The following SON variants were observed in gnomAD, a reference collection of about 807,000 sequenced individuals.
SON encodes the protein SON DNA and RNA binding protein.
Under a neutral mutation model 173.3 loss-of-function variants are expected in SON, and 4 were observed. The ratio of observed to expected loss-of-function variants is 0.02; its 90% CI spans 0.01 to 0.05. The LOEUF (loss-of-function observed/expected upper bound fraction) is 0.05, where lower values mean the gene tolerates loss of function less well. Among genes scored for constraint, SON ranks in the 10% least tolerant of loss-of-function variants. The probability of loss-of-function intolerance (pLI) is 1.00; values close to 1 mark genes in which losing one functional copy is unlikely to be tolerated. For missense variants in SON, 2,626 were observed against 3,055.3 expected (o/e 0.86, Z 3.31); for synonymous variants, 1,190 against 1,105.9 (o/e 1.08, Z -1.51).
Position 33,550,760 on chromosome 21 carries a change from C to T in SON, c.1529C>T (p.Thr510Met), listed in dbSNP as rs1421178230. The T allele has an allele frequency of 5.6e-6, 9 of 1,614,056 alleles. No individual in the cohort carries two copies. The highest frequency in any genetic ancestry group is 2.7e-5 in the African/African-American group (2 of 74,908). ...AMELTEQPVT[T>M]TELEQPVGMT... ...GAGTTGACCGAACAACCTGTGACGA[C>T]GACAGAGTTGGAGCAGCCTGTGGGG... The change falls in exon 3 of 12, where the codon ACG becomes ATG. Residue 510 changes from threonine to methionine, a missense_variant. Around this residue, in one of 13 missense-constraint regions of SON, gnomAD observed 757 missense variants for 730.1 expected, o/e 1.04. Transcript: ENST00000356577.
rs759657271 is a variant in SON, at chr21:33,553,506, A to G, written c.4275A>G (p.Ser1425=). 8.7e-6 allele frequency: 14 copies of G among 1,614,106 alleles called. No homozygotes were observed. Among genetic ancestry groups the G allele is most frequent in the Non-Finnish European group, 1.2e-5 (14 of 1,180,040 alleles). The change falls in exon 3 of 12, where the codon TCA becomes TCG. Residue 1425 remains serine, a synonymous_variant. Coordinates refer to ENST00000356577, the MANE Select transcript of SON (RefSeq NM_138927.4). ...PSVPVLEPAV[S]VLQPSMIVSE... ...TGCCTGTTCTGGAACCAGCGGTGTC[A>G]GTCCTTCAACCTTCTATGATTGTTT...
Position 33,559,355 on chromosome 21 carries a change from A to G in SON, c.6447A>G (p.Lys2149=), listed in dbSNP as rs2086027339. The G allele has an allele frequency of 3.1e-6, 5 of 1,609,402 alleles. No homozygotes were observed. The African/African-American group carries it at 4.0e-5, about 13-fold the overall frequency. Residue 2149 remains lysine (K), a synonymous_variant, in exon 5 of 12, where the codon AAA becomes AAG. Transcript: ENST00000356577. This position sits in a 1 kb window ranked among gnomAD's most constrained non-coding sequence, Gnocchi z 4.1. ...ATCCCTTTAAACTCAGTGAACCCAA[A>G]CCTATTTTTTTCAATCTGAATGTGA... ...YHHPFKLSEP[K]PIFFNLNIAA...
Position 33,557,256 on chromosome 21 carries a change from T to C in SON, c.6261T>C (p.Pro2087=). The C allele has an allele frequency of 6.2e-7, 1 of 1,613,702 alleles. No individual in the cohort carries two copies. Among genetic ancestry groups the C allele is most frequent in the Non-Finnish European group, 8.5e-7 (1 of 1,179,930 alleles). ...CAAACCTAAAGCCTGCACCTCCACC[T>C]ACTATAGAAGAGAAAGTTGCTAAAA... ...LPPNLKPAPP[P]TIEEKVAKKS... is the part of the protein sequence containing the mutation. Residue 2087 remains proline, a synonymous_variant, in exon 4 of 12, where the codon CCT becomes CCC. Coordinates refer to ENST00000356577, the MANE Select transcript of SON (RefSeq NM_138927.4).
intron 2 of SON, among the ~76,000 whole-genome samples, chr21:33,548,138 T>G (rs1019719547): frequency 1.3e-5 from 2 of 152,212 alleles, no homozygotes; most frequent in East Asian, 3.8e-4. Flanking sequence ...TTGTTAAAGT[T>G]GAATACTCCC....
At position 33,552,989 on chromosome 21, in the gene SON, C is replaced by T; in HGVS notation, c.3758C>T (p.Pro1253Leu). 6.2e-7 allele frequency: 1 copy of T among 1,614,178 alleles called. No homozygotes were observed. Residue 1253 changes from proline to leucine, a missense_variant, in exon 3 of 12, where the codon CCA becomes CTA. Coordinates refer to ENST00000356577, the MANE Select transcript of SON (RefSeq NM_138927.4). The surrounding 1 kb of genome is among the most constrained non-coding windows in gnomAD (Gnocchi z 5.6). ...GCTGTGACTGTTCCAGAACCACCAC[C>T]AGAGCCAGAATCTTCAATTACGTTA... is the stretch of plus-strand genomic sequence containing the variant. ...EAAVTVPEPP[P>L]EPESSITLTP... is the part of the protein sequence containing the mutation.
In SON at chr21:33,553,934, C is replaced by T. The variant is rs777560492; in HGVS notation, c.4703C>T (p.Pro1568Leu). ...GAAATTGGTGAAGAGAAAATTTTGCCCACCAGTGAGACTAAACAGCGCACA... is the reference window on the plus strand; with the variant it reads ...GAAATTGGTGAAGAGAAAATTTTGCTCACCAGTGAGACTAAACAGCGCACA... ...VGEIGEEKIL[P>L]TSETKQRTVL... Residue 1568 changes from proline (P) to leucine (L), a missense_variant, in exon 3 of 12, where the codon CCC (proline) becomes CTC (leucine). Transcript: ENST00000356577. 6.2e-7 allele frequency: 1 copy of T among 1,614,002 alleles called. No individual in the cohort carries two copies. The highest frequency in any genetic ancestry group is 8.5e-7 in the Non-Finnish European group (1 of 1,180,002).
At chr21:33,573,038 ATTT>A (rs111991289) in intron 8 of SON, 3 of 271,152 alleles carry the variant, frequency 1.1e-5, no homozygotes, top group South Asian at 8.3e-5. Context: ...GAGTGTTCTA[ATTT>A]TTTTTTTTTG....
chr21:33,554,914 C>T lies in SON; in HGVS notation c.5683C>T (p.Pro1895Ser). Residue 1895 changes from proline (P) to serine (S), a missense_variant, in exon 3 of 12, where the codon CCA (proline) becomes TCA (serine). Physicochemically the swap from Pro to Ser is moderately conservative, Grantham distance 74 (BLOSUM62 -1). Coordinates refer to ENST00000356577, the MANE Select transcript of SON (RefSeq NM_138927.4). Reference protein sequence around the residue: ...SVSKEKRKRSPKHRSKSRERK... With the variant: ...SVSKEKRKRSSKHRSKSRERK... Reference sequence around the variant, plus strand: ...ATCAAAAGAGAAGCGCAAAAGATCTCCAAAGCACAGATCCAAGTCTAGGGA... The same window carrying T: ...ATCAAAAGAGAAGCGCAAAAGATCTTCAAAGCACAGATCCAAGTCTAGGGA... The T allele has an allele frequency of 2.5e-6, 4 of 1,614,036 alleles. No individual in the cohort carries two copies. The highest frequency in any genetic ancestry group is 3.4e-6 in the Non-Finnish European group (4 of 1,179,992).
Position 33,554,239 on chromosome 21 carries a change from T to A in SON, c.5008T>A (p.Ser1670Thr). 1 of 1,614,098 alleles carries A rather than the reference T, an allele frequency of 6.2e-7. No individual in the cohort carries two copies. The highest frequency in any genetic ancestry group is 8.5e-7 in the Non-Finnish European group (1 of 1,179,960). ...TAAAGATATTCATCTTGATTTACCA[T>A]CTAATAATAACCTTGTTAGTAAGGA... ...PAKDIHLDLP[S>T]NNNLVSKDTE... Residue 1670 changes from serine (S) to threonine (T), a missense_variant, in exon 3 of 12, where the codon TCT (serine) becomes ACT (threonine). Coordinates refer to ENST00000356577, the MANE Select transcript of SON (RefSeq NM_138927.4).
Position 33,550,936 on chromosome 21 carries a change from G to T in SON, c.1705G>T (p.Val569Leu), listed in dbSNP as rs778563835. The change falls in exon 3 of 12, where the codon GTG becomes TTG. Residue 569 changes from valine to leucine, a missense_variant. Transcript: ENST00000356577. The stretch of plus-strand genomic sequence containing the variant: ...GCCGGGGCAGCCTTCGGTGACTGGG[G>T]TGCCAGAGTTGCCAGGGCTGCCTTC... ...ELPGQPSVTGVPELPGLPSAT... is the reference protein window; with the variant it reads ...ELPGQPSVTGLPELPGLPSAT... 3.5e-5 allele frequency: 56 copies of T among 1,607,342 alleles called. 1 individual carries two copies. The Admixed American group carries it at 7.0e-4, about 20-fold the overall frequency.
In SON at chr21:33,550,626, A is replaced by G. The variant is rs2085750572; in HGVS notation, c.1395A>G (p.Pro465=). Residue 465 remains proline, a synonymous_variant, in exon 3 of 12, where the codon CCA becomes CCG. Coordinates refer to ENST00000356577, the MANE Select transcript of SON (RefSeq NM_138927.4). The stretch of plus-strand genomic sequence containing the variant: ...CAGCACCATCCATGGGGTTGGAGCC[A>G]CCACAGGAGGTACCAGAGCCACCTG... ...GLPAPSMGLE[P]PQEVPEPPVM... 6.2e-7 allele frequency: 1 copy of G among 1,613,730 alleles called. No individual in the cohort carries two copies. Among genetic ancestry groups the G allele is most frequent in the African/African-American group, 1.3e-5 (1 of 74,824 alleles).
chr21:33,560,501 C>A, intron 6 of SON: 1 of 1,003,702 alleles, frequency 1.0e-6, no homozygotes, highest in Admixed American at 5.4e-5. Context: ...TCAAAACAAC[C>A]CCATTAAAAT....
chr21:33,547,705 CTTTTTTTTTTTTTTTTTT>C (rs928851742), intron 2 of SON, among the ~76,000 whole-genome samples: 1 of 70,998 alleles, frequency 1.4e-5, no homozygotes, highest in African/African-American at 5.5e-5. Flanking sequence ...CTTCTGTAGT[CTTTTTTTTTTTTTTTTTT>C]TTTTTTTTTG....
chr21:33,545,530 AT>A (rs2085594147), intron 1 of SON, among the ~76,000 whole-genome samples: 1 of 152,248 alleles, frequency 6.6e-6, no homozygotes, highest in Admixed American at 6.5e-5. Flanking sequence ...GTTCTTACCT[AT>A]TTAAAAATTT....
chr21:33,549,201 A>G (rs1323194951), intron 2 of SON, among the ~76,000 whole-genome samples: 2 of 150,084 alleles, frequency 1.3e-5, no homozygotes, highest in African/African-American at 2.5e-5. Context: ...CAGCCTCCCA[A>G]ATAGCTGGGA....
Position 33,552,089 on chromosome 21 carries a change from A to G in SON, c.2858A>G (p.His953Arg). 6.2e-7 allele frequency: 1 copy of G among 1,614,066 alleles called. No homozygotes were observed. Among genetic ancestry groups the G allele is most frequent in the Non-Finnish European group, 8.5e-7 (1 of 1,179,992 alleles). ...RLGQDPYRLG[H>R]DPYRLTPDPY... ...GGACAAGACCCTTATAGATTAGGCC[A>G]TGATCCCTACAGACTAACTCCTGAT... is the stretch of plus-strand genomic sequence containing the variant. The change falls in exon 3 of 12, where the codon CAT becomes CGT. Residue 953 changes from histidine (H) to arginine (R), a missense_variant. Around this residue, in one of 13 missense-constraint regions of SON, gnomAD observed 366 missense variants for 448.6 expected, o/e 0.82. Transcript: ENST00000356577. The surrounding 1 kb of genome is among the most constrained non-coding windows in gnomAD (Gnocchi z 5.6).
Position 33,555,306 on chromosome 21 carries a change from A to G in SON, c.6075A>G (p.Arg2025=). ...VRLRRSRTPL[R]RRFSRSPIRR... ...TAAGGCGATCAAGAACACCCTTAAGAAGAAGGTTTAGCAGATCTCCCATCC... is the reference window on the plus strand; with the variant it reads ...TAAGGCGATCAAGAACACCCTTAAGGAGAAGGTTTAGCAGATCTCCCATCC... Residue 2025 remains arginine, a synonymous_variant, in exon 3 of 12, where the codon AGA becomes AGG. Coordinates refer to ENST00000356577, the MANE Select transcript of SON (RefSeq NM_138927.4). 1 of 1,609,832 alleles carries G rather than the reference A, an allele frequency of 6.2e-7. No individual in the cohort carries two copies. Among genetic ancestry groups the G allele is most frequent in the Admixed American group, 1.7e-5 (1 of 59,456 alleles).
chr21:33,543,400 C>G (rs868042007), intron 1 of SON: 3 of 577,600 alleles, frequency 5.2e-6, no homozygotes, highest in Non-Finnish European at 6.1e-6. Context: ...CTCCCTGTTT[C>G]AGAACCGAGT....
At chr21:33,543,574 A>C (rs921315190) in intron 1 of SON, 1 of 257,696 alleles carries the variant, frequency 3.9e-6, no homozygotes, top group Non-Finnish European at 7.7e-6. Flanking sequence ...GCCGGTGCCT[A>C]TGACCGGAAA....
Sources: allele counts gnomAD v4.1 joint callset (sites outside exome capture counted in the v4.1 genomes callset), GRCh38; gene constraint gnomAD v4.1.1; regional missense constraint gnomAD v4.1.1; non-coding constraint Gnocchi (gnomAD v3.1); transcripts MANE v1.5; gene names NCBI Gene and HGNC (gene_info 2026-07-23, HGNC 2026-07-21).